The following SYT14 variants were observed in gnomAD, a reference collection of about 807,000 sequenced individuals.
The protein encoded by SYT14 is synaptotagmin-14.
In SYT14, 32 loss-of-function variants were observed where a neutral mutation model predicts 74.2. That is an observed-to-expected ratio of 0.43 (90% CI 0.33 to 0.58). The LOEUF (loss-of-function observed/expected upper bound fraction) is 0.58. SYT14 is among the 20% of genes least tolerant of loss of function. SYT14 has a pLI of 0.05. For missense variants in SYT14, 791 were observed against 981.8 expected (o/e 0.81, Z 2.60); for synonymous variants, 298 against 337.7 (o/e 0.88, Z 1.29).
chr1:209,946,667 G>A (rs1441723350), intron 1 of SYT14, among the ~76,000 whole-genome samples: 2 of 152,222 alleles, frequency 1.3e-5, no homozygotes, highest in Non-Finnish European at 2.9e-5. Flanking sequence ...AGCAGCAAGT[G>A]CTGATAGAGA....
intron 5 of SYT14, among the ~76,000 whole-genome samples, chr1:210,088,713 T>C (rs1206874677): frequency 1.3e-5 from 2 of 151,936 alleles, no homozygotes; most frequent in Admixed American, 6.6e-5. Context: ...GAAACCATCA[T>C]TCTTATTTTT....
exon 10 of SYT14, chr1:210,167,940 C>G (rs2083472885): frequency 6.6e-6 from 1 of 151,946 alleles, no homozygotes; most frequent in African/African-American, 2.4e-5. Flanking sequence ...AAAGTGATAC[C>G]CTGACTTTTT....
chr1:210,011,603 T>G (rs1307369492), intron 2 of SYT14, among the ~76,000 whole-genome samples: 1 of 152,184 alleles, frequency 6.6e-6, no homozygotes, highest in Non-Finnish European at 1.5e-5. Flanking sequence ...CTTATTCAAT[T>G]CTATACCTGG....
At chr1:210,023,490 C>G (rs1360826250) in intron 5 of SYT14, among the ~76,000 whole-genome samples, 1 of 151,954 alleles carries the variant, frequency 6.6e-6, no homozygotes, top group African/African-American at 2.4e-5. Flanking sequence ...ATTACAGGCG[C>G]CTGCCACCAT....
intron 5 of SYT14, among the ~76,000 whole-genome samples, chr1:210,045,482 A>G (rs1050565266): frequency 1.3e-5 from 2 of 152,198 alleles, no homozygotes; most frequent in African/African-American, 4.8e-5. Context: ...TTCAGATAAA[A>G]TTAACTTTAA....
At chr1:210,134,535 T>A (rs192832384) in intron 7 of SYT14, among the ~76,000 whole-genome samples, 5 of 152,316 alleles carry the variant, frequency 3.3e-5, no homozygotes, top group African/African-American at 1.2e-4. Context: ...TTGCCTTAGT[T>A]GAACACATAC....
exon 10 of SYT14, chr1:210,162,911 C>T: frequency 2.2e-6 from 1 of 452,994 alleles, no homozygotes. Flanking sequence ...TTTATTGTTA[C>T]ATCAATGAGC....
exon 10 of SYT14, chr1:210,164,211 ATTATC>A (rs2083430510): frequency 6.0e-6 from 2 of 335,986 alleles, no homozygotes; most frequent in Non-Finnish European, 5.9e-6. Context: ...CCATTTGCAT[ATTATC>A]TTACTGTGCA....
chr1:210,102,165 A>G (rs1572301697), intron 7 of SYT14, among the ~76,000 whole-genome samples: 1 of 152,254 alleles, frequency 6.6e-6, no homozygotes, highest in Middle Eastern at 3.4e-3. Context: ...AACTTGTGTC[A>G]TGGGGGTTTG....
intron 7 of SYT14, among the ~76,000 whole-genome samples, chr1:210,142,665 A>G (rs1313240554): frequency 6.6e-6 from 1 of 152,176 alleles, no homozygotes; most frequent in Non-Finnish European, 1.5e-5. Flanking sequence ...CCAAAAGTTC[A>G]AAGATTTAAA....
intron 2 of SYT14, among the ~76,000 whole-genome samples, chr1:210,005,102 G>A (rs2079966748): frequency 6.6e-6 from 1 of 151,958 alleles, no homozygotes; most frequent in Admixed American, 6.6e-5. Flanking sequence ...GATTGCCTAT[G>A]TATGTGTTCA....
At chr1:210,132,522 T>G (rs2082695569) in intron 7 of SYT14, among the ~76,000 whole-genome samples, 1 of 151,760 alleles carries the variant, frequency 6.6e-6, no homozygotes, top group Admixed American at 6.6e-5. Context: ...TAATGACCCC[T>G]CGACAGTCCC....
chr1:210,162,307 T>C, exon 10 of SYT14: 1 of 444,632 alleles, frequency 2.2e-6, no homozygotes, highest in South Asian at 1.6e-5. Context: ...TCGATTTTTA[T>C]AAATGTAAAG....
intron 4 of SYT14, among the ~76,000 whole-genome samples, chr1:210,019,581 G>A (rs565259955): frequency 1.7e-3 from 254 of 152,280 alleles, no homozygotes; most frequent in African/African-American, 5.8e-3. Flanking sequence ...ATTGGTGATG[G>A]CGTTACCCAT....
At chr1:210,029,416 T>C (rs1235851573) in intron 5 of SYT14, among the ~76,000 whole-genome samples, 3 of 152,206 alleles carry the variant, frequency 2.0e-5, no homozygotes, top group Non-Finnish European at 4.4e-5. Context: ...ATCGTTATGA[T>C]GTGATCCATT....
chr1:210,157,274 T>C (rs918136967), intron 8 of SYT14, among the ~76,000 whole-genome samples: 2 of 151,050 alleles, frequency 1.3e-5, no homozygotes, highest in Non-Finnish European at 2.9e-5. Context: ...AGACCCTGAC[T>C]CTACAAAAAA....
intron 1 of SYT14, among the ~76,000 whole-genome samples, chr1:209,949,976 G>A (rs1384094896): frequency 1.3e-5 from 2 of 152,096 alleles, no homozygotes; most frequent in Non-Finnish European, 2.9e-5. Flanking sequence ...TTAAAAGTGG[G>A]AATTGGCTTT....
chr1:210,019,225 T>G (rs1572166923), intron 4 of SYT14, among the ~76,000 whole-genome samples: 1 of 151,848 alleles, frequency 6.6e-6, no homozygotes, highest in African/African-American at 2.4e-5. Flanking sequence ...AGGTGAAGTT[T>G]GACCACAGAC....
At chr1:210,034,103 A>G (rs962466080) in intron 5 of SYT14, among the ~76,000 whole-genome samples, 5 of 151,884 alleles carry the variant, frequency 3.3e-5, no homozygotes. Flanking sequence ...TACATAAATT[A>G]ACTAATTTAA....
Sources: gnomAD v4.1 joint callset for allele counts (sites outside exome capture counted in the v4.1 genomes callset) on GRCh38, gnomAD v4.1.1 for gene constraint, MANE v1.5 for transcripts, NCBI Gene and HGNC (gene_info 2026-07-23, HGNC 2026-07-21) for gene names.